Variants in CD83 observed in about 807,000 individuals in gnomAD.
CD83 encodes the protein CD83 molecule, also known as CD83 antigen.
Under a neutral mutation model 24.6 loss-of-function variants are expected in CD83, and 22 were observed. The ratio of observed to expected loss-of-function variants is 0.90; its 90% CI spans 0.64 to 1.28. CD83 has a LOEUF of 1.28. CD83 is among the 50% of genes most tolerant of loss of function. The pLI is 0.00. For missense variants in CD83, 253 were observed against 252.8 expected (o/e 1.00, Z -0.01); for synonymous variants, 101 against 103.5 (o/e 0.98, Z 0.14).
rs1159359715 is a variant in CD83, at chr6:14,117,802, C to T, written c.-10C>T. 3 of 1,527,834 alleles carry T rather than the reference C, an allele frequency of 2.0e-6. No individual in the cohort carries two copies. The highest frequency in any genetic ancestry group is 2.5e-5 in the East Asian group (1 of 39,544). The allele number at this position is 1,527,834 out of a possible 1,614,324, so 94.6% of individuals were successfully genotyped here. A position where few individuals can be genotyped will look rare whatever the true frequency, so the allele number is the denominator to read the frequency against. On this transcript the variant is annotated 5_prime_UTR_variant, in exon 1 of 5. Coordinates refer to ENST00000379153, the MANE Select transcript of CD83 (RefSeq NM_004233.4). This position sits in a 1 kb window ranked among gnomAD's most constrained non-coding sequence, Gnocchi z 4.6. ...TCTGCAGCTCGTGGCAGCGGCGCAG[C>T]GCTCCAGCCATGTCGCGCGGCCTCC... is the stretch of plus-strand genomic sequence containing the variant.
Position 14,131,522 on chromosome 6 carries a change from A to G in CD83, c.156A>G (p.Leu52=). 1 of 1,610,418 alleles carries G rather than the reference A, an allele frequency of 6.2e-7. No homozygotes were observed. Among genetic ancestry groups the G allele is most frequent in the Non-Finnish European group, 8.5e-7 (1 of 1,176,670 alleles). The change falls in exon 3 of 5, where the codon TTA becomes TTG. Residue 52 remains leucine, a splice_region_variant and synonymous_variant. Transcript: ENST00000379153. ...QVPYTVSWVK[L]LEGGEERMET... ...GCGCTCTGATTCCTTCTTCACAGTT[A>G]TTGGAGGGTGGTGAAGAGAGGATGG...
In CD83 at chr6:14,135,369, C is replaced by A; in HGVS notation, c.*133C>A. On this transcript the variant is annotated 3_prime_UTR_variant, in exon 5 of 5. Coordinates refer to ENST00000379153, the MANE Select transcript of CD83 (RefSeq NM_004233.4). The stretch of plus-strand genomic sequence containing the variant: ...AAGTCCTTCACCTCACTGAAAACAT[C>A]TGGAAGGGGATCCCACCCCATTTTC... 1.0e-6 allele frequency: 1 copy of A among 988,660 alleles called. No homozygotes were observed. The highest frequency in any genetic ancestry group is 1.5e-6 in the Non-Finnish European group (1 of 679,172). 61.2% of individuals were successfully genotyped at this position (988,660 alleles called of 1,614,324 possible). A position where few individuals can be genotyped will look rare whatever the true frequency, so the allele number is the denominator to read the frequency against.
chr6:14,118,717 C>T (rs547606801), intron 2 of CD83, among the ~76,000 whole-genome samples: 2 of 152,318 alleles, frequency 1.3e-5, no homozygotes, highest in Admixed American at 6.5e-5. Flanking sequence ...CTTGCTGCTC[C>T]TACTGTAAGT....
intron 2 of CD83, among the ~76,000 whole-genome samples, chr6:14,130,474 C>G (rs1178398148): frequency 6.6e-6 from 1 of 152,160 alleles, no homozygotes; most frequent in Non-Finnish European, 1.5e-5. Flanking sequence ...CCTGTAATCC[C>G]AGAACTTTGG....
chr6:14,122,735 T>C (rs548967419), intron 2 of CD83, among the ~76,000 whole-genome samples: 1 of 152,256 alleles, frequency 6.6e-6, no homozygotes, highest in Non-Finnish European at 1.5e-5. Flanking sequence ...CCATGAAAGA[T>C]GTAAAGTTGC....
At chr6:14,132,017 C>T (rs752840091) in intron 3 of CD83, among the ~76,000 whole-genome samples, 2 of 152,184 alleles carry the variant, frequency 1.3e-5, no homozygotes, top group Admixed American at 6.5e-5. Context: ...TCCGTACAAC[C>T]GTTGATTTCT....
chr6:14,135,359 C>T lies in CD83; in HGVS notation c.*123C>T. The T allele has an allele frequency of 4.7e-6, 5 of 1,055,124 alleles. No individual in the cohort carries two copies. In the South Asian group the frequency reaches 8.4e-5, roughly 18 times the overall value. The allele number at this position is 1,055,124 out of a possible 1,614,324, so 65.4% of individuals were successfully genotyped here. The stretch of plus-strand genomic sequence containing the variant: ...GCATCCTGTGAAGTCCTTCACCTCA[C>T]TGAAAACATCTGGAAGGGGATCCCA... On this transcript the variant is annotated 3_prime_UTR_variant, in exon 5 of 5. Transcript: ENST00000379153.
At chr6:14,130,054 G>T (rs1449290954) in intron 2 of CD83, among the ~76,000 whole-genome samples, 2 of 152,090 alleles carry the variant, frequency 1.3e-5, no homozygotes, top group African/African-American at 4.8e-5. Context: ...GTGGCAGTGG[G>T]CCCTGATAAT....
intron 2 of CD83, among the ~76,000 whole-genome samples, chr6:14,119,238 G>C (rs1007250961): frequency 6.6e-6 from 1 of 152,208 alleles, no homozygotes; most frequent in Non-Finnish European, 1.5e-5. Context: ...TATGCATGAC[G>C]GGGATGGTGC....
chr6:14,129,494 C>T lies in CD83; in HGVS notation c.154-2026C>T, dbSNP rs1759897675. Among the ~76,000 whole-genome samples the T allele has an allele frequency of 6.6e-6, 1 of 152,158 alleles. No individual in the cohort carries two copies. On this transcript the variant is annotated intron_variant, in intron 2 of 4. Transcript: ENST00000379153. This position sits in a 1 kb window ranked among gnomAD's most constrained non-coding sequence, Gnocchi z 4.3. ...GTTAGTTTCCTCTAAATTTCCTTGG[C>T]CCCACCTCCTTTTTGTGCTTTATTT...
At position 14,133,749 on chromosome 6, in the gene CD83, C is replaced by A. The variant is rs1311796792; in HGVS notation, c.483C>A (p.Phe161Leu). The change falls in exon 4 of 5, where the codon TTC (phenylalanine) becomes TTA (leucine). Residue 161 changes from phenylalanine (F) to leucine (L), a missense_variant. Physicochemically the swap from Phe to Leu is conservative, Grantham distance 22. Transcript: ENST00000379153. ...LVIFYLTLII[F>L]TCKFARLQSI... The stretch of plus-strand genomic sequence containing the variant: ...TTTTCTACTTAACACTCATCATTTT[C>A]ACTTGTGTAAGTATCTTCTTAAAAC... 1 of 1,597,998 alleles carries A rather than the reference C, an allele frequency of 6.3e-7. No individual in the cohort carries two copies.
intron 3 of CD83, among the ~76,000 whole-genome samples, chr6:14,133,166 C>T (rs777444500): frequency 8.5e-5 from 13 of 152,216 alleles, no homozygotes; most frequent in Non-Finnish European, 1.3e-4. Flanking sequence ...TCCCTGAAAC[C>T]TCCTGAGGTG....
In CD83 at chr6:14,136,360, T is replaced by C. The variant is rs1393488242; in HGVS notation, c.*1124T>C. On this transcript the variant is annotated 3_prime_UTR_variant, in exon 5 of 5. Transcript: ENST00000379153. ...AAGAAGCCTTTCCTGTAGCCTTCTG[T>C]AGGAATTCTTTTGGGGAAGTGAGGA... 6.6e-6 allele frequency: 1 copy of C among 152,222 alleles called. No homozygotes were observed. The highest frequency in any genetic ancestry group is 2.4e-5 in the African/African-American group (1 of 41,442). 9.4% of individuals were successfully genotyped at this position (152,222 alleles called of 1,614,324 possible).
chr6:14,132,540 G>A (rs981802612), intron 3 of CD83, among the ~76,000 whole-genome samples: 3 of 152,142 alleles, frequency 2.0e-5, no homozygotes, highest in African/African-American at 4.8e-5. Flanking sequence ...AGCAAATCAC[G>A]GATTGACACT....
At chr6:14,123,881 G>C (rs1270444190) in intron 2 of CD83, among the ~76,000 whole-genome samples, 1 of 152,106 alleles carries the variant, frequency 6.6e-6, no homozygotes, top group Admixed American at 6.6e-5. Context: ...CAAAGAAGAG[G>C]AAGTTTGGAG....
chr6:14,124,730 T>A (rs188811702), intron 2 of CD83, among the ~76,000 whole-genome samples: 2 of 152,260 alleles, frequency 1.3e-5, no homozygotes, highest in Admixed American at 6.5e-5. Flanking sequence ...TTATATATAA[T>A]TGGAATGGGA....
chr6:14,131,598 CA>C lies in CD83; in HGVS notation c.236del (p.Asn79MetfsTer14), dbSNP rs1423820940. The C allele has an allele frequency of 2.5e-6, 4 of 1,614,132 alleles. No homozygotes were observed. The highest frequency in any genetic ancestry group is 3.4e-6 in the Non-Finnish European group (4 of 1,180,020). On this transcript the variant is annotated frameshift_variant, in exon 3 of 5. Coordinates refer to ENST00000379153, the MANE Select transcript of CD83 (RefSeq NM_004233.4). LOFTEE classifies it high-confidence loss of function. ...LRGQHYHQKG[Q>X]NGSFDAPNER... ...GGGACAGCACTATCATCAGAAGGGG[CA>C]AAATGGTTCTTTCGACGCCCCCAAT...
chr6:14,128,997 C>G (rs749534742), intron 2 of CD83, among the ~76,000 whole-genome samples: 4 of 152,158 alleles, frequency 2.6e-5, no homozygotes, highest in Non-Finnish European at 5.9e-5. Context: ...TAAATAGACA[C>G]AATAGTTTAT....
chr6:14,124,654 G>A (rs539265522), intron 2 of CD83, among the ~76,000 whole-genome samples: 2 of 152,268 alleles, frequency 1.3e-5, no homozygotes, highest in African/African-American at 2.4e-5. Context: ...ATCATTAGGA[G>A]TCTTTCAGTT....
Sources: gnomAD v4.1 joint callset for allele counts (sites outside exome capture counted in the v4.1 genomes callset) on GRCh38, gnomAD v4.1.1 for gene constraint, Gnocchi (gnomAD v3.1) non-coding constraint, MANE v1.5 for transcripts, NCBI Gene and HGNC (gene_info 2026-07-23, HGNC 2026-07-21) for gene names.